The following SLC23A2 variants were observed in gnomAD, a reference collection of about 807,000 sequenced individuals.
SLC23A2 encodes solute carrier family 23 member 2.
In SLC23A2, 36 loss-of-function variants were observed where a neutral mutation model predicts 73.3. The observed-to-expected ratio is 0.49, with a 90% CI of 0.38 to 0.65. The LOEUF (loss-of-function observed/expected upper bound fraction) is 0.65. Among genes scored for constraint, SLC23A2 ranks in the 30% least tolerant of loss-of-function variants. The pLI, the probability that SLC23A2 is intolerant of heterozygous loss-of-function variation, is 0.00. For synonymous variants in SLC23A2, 343 were observed against 327.3 expected (o/e 1.05, Z -0.52); for missense variants, 507 against 841.6 (o/e 0.60, Z 4.92).
intron 2 of SLC23A2, among the ~76,000 whole-genome samples, chr20:4,937,597 G>A (rs2086980023): frequency 6.6e-6 from 1 of 152,186 alleles, no homozygotes; most frequent in Non-Finnish European, 1.5e-5. Context: ...CTCTACAAAA[G>A]TAGAAACTGA....
chr20:4,862,689 C>G lies in SLC23A2; in HGVS notation c.1486+89G>C. On this transcript the variant is annotated intron_variant, in intron 14 of 16. Transcript: ENST00000338244. The surrounding 1 kb of genome is among the most constrained non-coding windows in gnomAD (Gnocchi z 5.1). ...TTTTAAAATAGAAATTTATCGTTACCTTCTTACTGAAGGGAGTCAGCAAAA... is the reference window on the plus strand; with the variant it reads ...TTTTAAAATAGAAATTTATCGTTACGTTCTTACTGAAGGGAGTCAGCAAAA... The G allele has an allele frequency of 1.7e-6, 2 of 1,189,766 alleles. No homozygotes were observed. The highest frequency in any genetic ancestry group is 2.0e-4 in the Middle Eastern group (1 of 4,932). 73.7% of individuals were successfully genotyped at this position (1,189,766 alleles called of 1,614,324 possible).
intron 2 of SLC23A2, among the ~76,000 whole-genome samples, chr20:4,949,425 C>T (rs1218863895): frequency 6.6e-6 from 1 of 151,980 alleles, no homozygotes; most frequent in Non-Finnish European, 1.5e-5. Context: ...TAAATAAGCA[C>T]CTGAAAAACA....
chr20:4,856,057 T>C lies in SLC23A2; in HGVS notation c.*915A>G, dbSNP rs1929700764. The C allele has an allele frequency of 6.6e-6, 1 of 152,412 alleles. No homozygotes were observed. Among genetic ancestry groups the C allele is most frequent in the Non-Finnish European group, 1.5e-5 (1 of 68,016 alleles). 9.4% of individuals were successfully genotyped at this position (152,412 alleles called of 1,614,324 possible). ...GATTTCCAAAATCTGCTATAGTCAATAACATTAAATAGGAATAAAACCTTG... is the reference window on the plus strand; with the variant it reads ...GATTTCCAAAATCTGCTATAGTCAACAACATTAAATAGGAATAAAACCTTG... On this transcript the variant is annotated 3_prime_UTR_variant, in exon 17 of 17. Coordinates refer to ENST00000338244, the MANE Select transcript of SLC23A2 (RefSeq NM_005116.6). This position sits in a 1 kb window ranked among gnomAD's most constrained non-coding sequence, Gnocchi z 4.6.
At chr20:4,956,081 G>GA (rs1448948624) in intron 2 of SLC23A2, among the ~76,000 whole-genome samples, 1 of 152,010 alleles carries the variant, frequency 6.6e-6, no homozygotes, top group African/African-American at 2.4e-5. Flanking sequence ...ACAAATACAA[G>GA]AAAAAAACTT....
chr20:4,905,187 T>TATGCAC (rs1035798083), intron 4 of SLC23A2, among the ~76,000 whole-genome samples: 6 of 151,226 alleles, frequency 4.0e-5, no homozygotes, highest in African/African-American at 1.5e-4. Context: ...CAGGCGCATG[T>TATGCAC]ATGCACATGC....
At chr20:4,873,722 G>A (rs550726075) in intron 11 of SLC23A2, among the ~76,000 whole-genome samples, 8 of 152,248 alleles carry the variant, frequency 5.3e-5, no homozygotes, top group African/African-American at 1.4e-4. Flanking sequence ...GAGACAGCTC[G>A]CTAATGTGAG....
intron 2 of SLC23A2, among the ~76,000 whole-genome samples, chr20:4,956,808 T>C (rs534723731): frequency 6.8e-6 from 1 of 147,960 alleles, no homozygotes; most frequent in East Asian, 2.0e-4. Flanking sequence ...TTCTTTTTTT[T>C]TTTTTTTTTT....
chr20:4,859,244 T>TAAAAAAA (rs66936551), intron 16 of SLC23A2, 45 bp downstream of exon 16: 1 of 1,107,650 alleles, frequency 9.0e-7, no homozygotes. Flanking sequence ...ACACATATGT[T>TAAAAAAA]AAAAAATAAA....
intron 1 of SLC23A2, among the ~76,000 whole-genome samples, chr20:4,988,714 G>A (rs1431515765): frequency 1.4e-5 from 2 of 140,894 alleles, no homozygotes; most frequent in African/African-American, 2.6e-5. Flanking sequence ...CCAGCCTAGC[G>A]ATAGAGAGAG....
In SLC23A2 at chr20:4,854,884, C is replaced by G. The variant is rs758377722; in HGVS notation, c.*2088G>C. ...CCTGGAGAGCTAGAAGATTGCAAAT[C>G]TCTGGGATGTTTAGCAGTTTTCCCC... On this transcript the variant is annotated 3_prime_UTR_variant, in exon 17 of 17. Coordinates refer to ENST00000338244, the MANE Select transcript of SLC23A2 (RefSeq NM_005116.6). 1 of 152,274 alleles carries G rather than the reference C, an allele frequency of 6.6e-6. No individual in the cohort carries two copies. The highest frequency in any genetic ancestry group is 2.4e-5 in the African/African-American group (1 of 41,422). 9.4% of individuals were successfully genotyped at this position (152,274 alleles called of 1,614,324 possible). A position where few individuals can be genotyped will look rare whatever the true frequency, so the allele number is the denominator to read the frequency against.
At chr20:4,887,902 G>C (rs1270518737) in intron 6 of SLC23A2, among the ~76,000 whole-genome samples, 1 of 152,182 alleles carries the variant, frequency 6.6e-6, no homozygotes, top group Non-Finnish European at 1.5e-5. Flanking sequence ...CGTTAAACGA[G>C]AGCTTCCCTA....
Position 4,863,142 on chromosome 20 carries a change from CAT to C in SLC23A2, c.1357-237_1357-236del, listed in dbSNP as rs1930046620. 6.6e-6 allele frequency among the ~76,000 whole-genome samples: 1 copy of C among 152,154 alleles called. No homozygotes were observed. Among genetic ancestry groups the C allele is most frequent in the Non-Finnish European group, 1.5e-5 (1 of 68,012 alleles). On this transcript the variant is annotated intron_variant, in intron 13 of 16. Coordinates refer to ENST00000338244, the MANE Select transcript of SLC23A2 (RefSeq NM_005116.6). The surrounding 1 kb of genome is among the most constrained non-coding windows in gnomAD (Gnocchi z 4.8). ...CAGGGCTCTACTGCCCTGGCACAGT[CAT>C]GGGTTGGGATGGCCGTCTGTGTCTC...
intron 3 of SLC23A2, among the ~76,000 whole-genome samples, chr20:4,930,965 G>A (rs886313122): frequency 1.1e-4 from 15 of 142,600 alleles, no homozygotes; most frequent in African/African-American, 3.7e-4. Flanking sequence ...GCAAGAGTGA[G>A]ACTCAGTCTA....
chr20:4,993,990 T>C lies in SLC23A2; in HGVS notation c.-282+7416A>G, dbSNP rs1036748188. Reference sequence around the variant, plus strand: ...CTGTAGTCCCAGCTACTCAAGAGGCTGAAGTGGGAGGATCTCTTGAGCCCG... The same window carrying C: ...CTGTAGTCCCAGCTACTCAAGAGGCCGAAGTGGGAGGATCTCTTGAGCCCG... On this transcript the variant is annotated intron_variant, in intron 1 of 16. Coordinates refer to ENST00000338244, the MANE Select transcript of SLC23A2 (RefSeq NM_005116.6). Among the ~76,000 whole-genome samples, 4 of 152,058 alleles carry C rather than the reference T, an allele frequency of 2.6e-5. No individual in the cohort carries two copies. In the South Asian group the frequency reaches 6.2e-4, roughly 24 times the overall value.
At chr20:4,869,116 A>G (rs1458798898) in intron 12 of SLC23A2, 1 of 152,162 alleles carries the variant, frequency 6.6e-6, no homozygotes, top group African/African-American at 2.4e-5. Context: ...AGGGAAAAAA[A>G]CAGGTAATTT....
chr20:4,872,077 A>C lies in SLC23A2; in HGVS notation c.1102+1859T>G, dbSNP rs995571987. Among the ~76,000 whole-genome samples, 1 of 152,054 alleles carries C rather than the reference A, an allele frequency of 6.6e-6. No homozygotes were observed. The highest frequency in any genetic ancestry group is 1.5e-5 in the Non-Finnish European group (1 of 67,996). Reference sequence around the variant, plus strand: ...TGTTATTTCATATCTCCTTTTACCAAGAAACTTTCATTTAGTTTGTTACTT... The same window carrying C: ...TGTTATTTCATATCTCCTTTTACCACGAAACTTTCATTTAGTTTGTTACTT... On this transcript the variant is annotated intron_variant, in intron 11 of 16. Coordinates refer to ENST00000338244, the MANE Select transcript of SLC23A2 (RefSeq NM_005116.6). This position sits in a 1 kb window ranked among gnomAD's most constrained non-coding sequence, Gnocchi z 4.4.
In SLC23A2 at chr20:4,920,225, C is replaced by A. The variant is rs1932458345; in HGVS notation, c.109-7247G>T. Among the ~76,000 whole-genome samples, 4 of 152,198 alleles carry A rather than the reference C, an allele frequency of 2.6e-5. No individual in the cohort carries two copies. The South Asian group carries it at 8.3e-4, about 32-fold the overall frequency. On this transcript the variant is annotated intron_variant, in intron 3 of 16. Transcript: ENST00000338244. ...GCAATGAGCCGAGAACATGACACTG[C>A]ACTCCAGCCTGGGCAACAGAACGAG...
At position 4,955,806 on chromosome 20, in the gene SLC23A2, T is replaced by A. The variant is rs6038018; in HGVS notation, c.-155+14987A>T. Among the ~76,000 whole-genome samples, 422 of 152,016 alleles carry A rather than the reference T, an allele frequency of 2.8e-3. 4 individuals carry two copies. The highest frequency in any genetic ancestry group is 9.8e-3 in the African/African-American group (406 of 41,454). On this transcript the variant is annotated intron_variant, in intron 2 of 16. Coordinates refer to ENST00000338244, the MANE Select transcript of SLC23A2 (RefSeq NM_005116.6). ...TCTGTCTGAAAAATAATTTTTTTTT[T>A]TAAAAAAGTACTGTATATATACATG...
intron 1 of SLC23A2, among the ~76,000 whole-genome samples, chr20:5,008,368 T>C (rs1261999653): frequency 2.6e-5 from 4 of 152,034 alleles, no homozygotes; most frequent in Non-Finnish European, 5.9e-5. Flanking sequence ...AGAATGTTAG[T>C]TCTGGAATCT....
Sources: gnomAD v4.1 joint callset for allele counts (sites outside exome capture counted in the v4.1 genomes callset) on GRCh38, gnomAD v4.1.1 for gene constraint, Gnocchi (gnomAD v3.1) non-coding constraint, MANE v1.5 for transcripts, NCBI Gene and HGNC (gene_info 2026-07-23, HGNC 2026-07-21) for gene names.